ALK: variants seen among roughly 807,000 people sequenced by gnomAD.
The protein encoded by ALK is ALK receptor tyrosine kinase.
In ALK, 74 loss-of-function variants were observed where a neutral mutation model predicts 163.1. That is an observed-to-expected ratio of 0.45 (90% CI 0.38 to 0.55). The LOEUF (loss-of-function observed/expected upper bound fraction) is 0.55, where lower values mean the gene tolerates loss of function less well. Among genes scored for constraint, ALK ranks in the 20% least tolerant of loss-of-function variants. The probability of loss-of-function intolerance (pLI) is 0.00; values close to 1 mark genes in which losing one functional copy is unlikely to be tolerated. For missense variants in ALK, 2,063 were observed against 2,105.3 expected, an observed-to-expected ratio of 0.98 and a Z score of 0.39; for synonymous variants, 960 against 843.2, an observed-to-expected ratio of 1.14 and a Z score of -2.40.
At chr2:29,418,997 G>T (rs1442742592) in intron 4 of ALK, among the ~76,000 whole-genome samples, 10 of 151,384 alleles carry the variant, frequency 6.6e-5, no homozygotes, top group Admixed American at 6.6e-5. Flanking sequence ...CATAGTCTGT[G>T]CTCTCAATAA....
At chr2:29,564,271 C>T (rs555766948) in intron 3 of ALK, among the ~76,000 whole-genome samples, 36 of 152,174 alleles carry the variant, frequency 2.4e-4, no homozygotes, top group East Asian at 1.9e-4. Flanking sequence ...CTCTCAAAGG[C>T]CAATCTCAAG....
At chr2:29,782,206 T>G (rs891341223) in intron 1 of ALK, among the ~76,000 whole-genome samples, 1 of 152,150 alleles carries the variant, frequency 6.6e-6, no homozygotes, top group African/African-American at 2.4e-5. Flanking sequence ...TCAATCAGCC[T>G]TGCCTGCCCT....
At chr2:29,750,924 G>A (rs1176032956) in intron 1 of ALK, among the ~76,000 whole-genome samples, 1 of 152,022 alleles carries the variant, frequency 6.6e-6, no homozygotes, top group Non-Finnish European at 1.5e-5. Context: ...ACAAAAATTA[G>A]CAGGGCATGG....
intron 4 of ALK, among the ~76,000 whole-genome samples, chr2:29,493,419 A>T (rs1480906696): frequency 6.6e-6 from 1 of 152,176 alleles, no homozygotes; most frequent in African/African-American, 2.4e-5. Flanking sequence ...TTTTCTCCAG[A>T]TGTCCCATAA....
intron 4 of ALK, among the ~76,000 whole-genome samples, chr2:29,520,418 G>T (rs962315796): frequency 6.6e-6 from 1 of 152,206 alleles, no homozygotes; most frequent in African/African-American, 2.4e-5. Flanking sequence ...CAAGTACTGT[G>T]CTAGGCATTG....
intron 4 of ALK, among the ~76,000 whole-genome samples, chr2:29,412,912 A>G (rs1052549999): frequency 1.3e-5 from 2 of 152,182 alleles, no homozygotes; most frequent in African/African-American, 4.8e-5. Flanking sequence ...CCCTTCTAGA[A>G]TTTTTGTTTG....
intron 4 of ALK, among the ~76,000 whole-genome samples, chr2:29,505,805 T>G (rs1304561056): frequency 1.3e-5 from 1 of 78,074 alleles, no homozygotes; most frequent in East Asian, 3.6e-4. Context: ...CTACACTAAT[T>G]GAAAAAAAAA....
At chr2:29,444,634 A>G (rs1020425838) in intron 4 of ALK, among the ~76,000 whole-genome samples, 4 of 152,240 alleles carry the variant, frequency 2.6e-5, no homozygotes, top group Admixed American at 1.3e-4. Context: ...AGATAAATAT[A>G]TTAATAGCAT....
chr2:29,393,057 T>C (rs183262094), intron 4 of ALK, among the ~76,000 whole-genome samples: 11 of 127,176 alleles, frequency 8.6e-5, no homozygotes, highest in Admixed American at 6.5e-4. Flanking sequence ...TGCCCAAGGT[T>C]ACTAAGTGTT....
intron 3 of ALK, among the ~76,000 whole-genome samples, chr2:29,655,555 C>T (rs1036775955): frequency 3.9e-5 from 6 of 152,108 alleles, no homozygotes; most frequent in Non-Finnish European, 7.4e-5. Context: ...GAGCTGAGTC[C>T]AGGGAGGCCT....
intron 8 of ALK, among the ~76,000 whole-genome samples, chr2:29,305,251 G>A (rs1233953168): frequency 6.6e-6 from 1 of 152,154 alleles, no homozygotes; most frequent in East Asian, 1.9e-4. Context: ...GTCAGCTAAG[G>A]GCCTTCTTGG....
intron 4 of ALK, among the ~76,000 whole-genome samples, chr2:29,526,810 C>G (rs533353850): frequency 6.4e-4 from 98 of 152,368 alleles, no homozygotes; most frequent in African/African-American, 2.3e-3. Context: ...CCCAGAGCAG[C>G]CTGGGAAAAG....
At chr2:29,366,485 C>T (rs1021144744) in intron 5 of ALK, among the ~76,000 whole-genome samples, 1 of 151,842 alleles carries the variant, frequency 6.6e-6, no homozygotes, top group African/African-American at 2.4e-5. Flanking sequence ...CTCAGTGTCG[C>T]CCTGAGAGGG....
chr2:29,212,148 G>C (rs1306177239), intron 24 of ALK, among the ~76,000 whole-genome samples: 2 of 152,218 alleles, frequency 1.3e-5, no homozygotes, highest in Non-Finnish European at 2.9e-5. Context: ...CCAGTGCTAA[G>C]TGAAGGAAGA....
Position 29,214,085 on chromosome 2 carries a change from T to G in ALK, c.3646-4A>C. The G allele has an allele frequency of 2.5e-6, 4 of 1,613,392 alleles. No individual in the cohort carries two copies. The highest frequency in any genetic ancestry group is 3.4e-6 in the Non-Finnish European group (4 of 1,179,576). On this transcript the variant is annotated splice_polypyrimidine_tract_variant and splice_region_variant and intron_variant, in intron 23 of 28. Transcript: ENST00000389048. ...TGGCCAGGGAGGAGGGCTGGCTCTG[T>G]GGGGAGACAGAAGCGGGCCACTGAC... is the stretch of plus-strand genomic sequence containing the variant.
At chr2:29,336,649 C>T (rs774351975) in intron 5 of ALK, among the ~76,000 whole-genome samples, 1 of 152,196 alleles carries the variant, frequency 6.6e-6, no homozygotes, top group Non-Finnish European at 1.5e-5. Flanking sequence ...GAAACAGAAA[C>T]CCATGCATCC....
intron 3 of ALK, among the ~76,000 whole-genome samples, chr2:29,549,137 T>TACACACACACAC (rs58557380): frequency 2.1e-4 from 32 of 149,780 alleles, no homozygotes; most frequent in African/African-American, 3.7e-4. Flanking sequence ...GATCTACAGG[T>TACACACACACAC]ACACACACAC....
At chr2:29,756,809 G>A (rs1383933341) in intron 1 of ALK, among the ~76,000 whole-genome samples, 1 of 152,204 alleles carries the variant, frequency 6.6e-6, no homozygotes, top group Non-Finnish European at 1.5e-5. Context: ...TTACAGGCAT[G>A]AGCCACCGCA....
At chr2:29,564,730 A>C (rs1294717561) in intron 3 of ALK, among the ~76,000 whole-genome samples, 1 of 152,164 alleles carries the variant, frequency 6.6e-6, no homozygotes. Context: ...TCAGGAAGGG[A>C]GGGGGTATCT....
Sources: gnomAD v4.1 joint callset for allele counts (sites outside exome capture counted in the v4.1 genomes callset) on GRCh38, gnomAD v4.1.1 for gene constraint, MANE v1.5 for transcripts, NCBI Gene and HGNC (gene_info 2026-07-23, HGNC 2026-07-21) for gene names.